FNBP1: variants seen among roughly 807,000 people sequenced by gnomAD.
FNBP1 encodes formin binding protein 1.
In FNBP1, 26 loss-of-function variants were observed where a neutral mutation model predicts 90.6. The ratio of observed to expected loss-of-function variants is 0.29; its 90% confidence interval spans 0.21 to 0.40. The LOEUF (loss-of-function observed/expected upper bound fraction) is 0.40, where lower values mean the gene tolerates loss of function less well. Ranked by LOEUF, FNBP1 falls within the 10% of genes least tolerant of loss-of-function variation. FNBP1 has a pLI of 1.00. For synonymous variants in FNBP1, 260 were observed against 265.2 expected, an observed-to-expected ratio of 0.98 and a Z score of 0.19; for missense variants, 635 against 768.0, an observed-to-expected ratio of 0.83 and a Z score of 2.05.
intron 1 of FNBP1, among the ~76,000 whole-genome samples, chr9:130,005,276 C>A (rs1285000235): frequency 1.3e-5 from 2 of 151,764 alleles, no homozygotes; most frequent in Non-Finnish European, 2.9e-5. Flanking sequence ...ATCACAAATA[C>A]CACCTGAAAT....
chr9:129,976,584 C>A (rs1242126259), intron 4 of FNBP1, among the ~76,000 whole-genome samples: 1 of 152,158 alleles, frequency 6.6e-6, no homozygotes, highest in Non-Finnish European at 1.5e-5. Flanking sequence ...CCTGCCCAAG[C>A]GCCCTGGCTG....
At chr9:130,024,138 G>T (rs958812993) in intron 1 of FNBP1, among the ~76,000 whole-genome samples, 1 of 152,080 alleles carries the variant, frequency 6.6e-6, no homozygotes, top group African/African-American at 2.4e-5. Context: ...AGGCTCAGTG[G>T]CTCATGCCTG....
chr9:129,909,522 TC>T (rs2038827416), intron 11 of FNBP1, among the ~76,000 whole-genome samples: 1 of 151,716 alleles, frequency 6.6e-6, no homozygotes, highest in African/African-American at 2.4e-5. Flanking sequence ...AGATGGGACA[TC>T]ACATTCCTCA....
At chr9:130,005,555 A>G (rs2055570664) in intron 1 of FNBP1, among the ~76,000 whole-genome samples, 1 of 152,048 alleles carries the variant, frequency 6.6e-6, no homozygotes, top group Non-Finnish European at 1.5e-5. Context: ...GTTAGCAAGG[A>G]TGGTCTTGAT....
intron 12 of FNBP1, 105 bp downstream of exon 12, chr9:129,908,785 T>C: frequency 1.4e-6 from 1 of 690,744 alleles, no homozygotes; most frequent in Non-Finnish European, 2.6e-6. Context: ...TCTCTTGACC[T>C]CAGGTGATCC....
Position 130,022,345 on chromosome 9 carries a change from C to T in FNBP1, c.24+20607G>A, listed in dbSNP as rs184961289. Among the ~76,000 whole-genome samples, 592 of 151,990 alleles carry T rather than the reference C, an allele frequency of 3.9e-3. 5 individuals are homozygous for T. The highest frequency in any genetic ancestry group is 0.015 in the South Asian group (74 of 4,810). ...TCAGCCTCCTGAGTAGCTGGGATTACAGGCACGCGCCAAGATGCCCGGTTA... is the reference window on the plus strand; with the variant it reads ...TCAGCCTCCTGAGTAGCTGGGATTATAGGCACGCGCCAAGATGCCCGGTTA... On this transcript the variant is annotated intron_variant, in intron 1 of 16. Transcript: ENST00000446176.
chr9:130,024,847 C>T (rs1257163483), intron 1 of FNBP1, among the ~76,000 whole-genome samples: 2 of 152,134 alleles, frequency 1.3e-5, no homozygotes, highest in Non-Finnish European at 2.9e-5. Flanking sequence ...GCCAAACTGA[C>T]AAAATAAACA....
intron 2 of FNBP1, among the ~76,000 whole-genome samples, chr9:129,984,117 A>G (rs1312631158): frequency 6.6e-6 from 1 of 152,112 alleles, no homozygotes; most frequent in Non-Finnish European, 1.5e-5. Context: ...GGGGCCCAAG[A>G]ATGTTTTGTG....
rs917692232 is a variant in FNBP1 at position 129,923,916 on chromosome 9, G to C, written c.1098C>G (p.Pro366=). Residue 366 remains proline, a synonymous_variant, in exon 10 of 17, where the codon CCC becomes CCG. Coordinates refer to ENST00000446176, the MANE Select transcript of FNBP1 (RefSeq NM_015033.3). ...GPQSPKQQKE[P]LSHRFNEFMT... ...TGAACTCGTTGAAGCGATGGGAGAG[G>C]GGTTCCTTTTGCTGCTTGGGAGACT... The C allele has an allele frequency of 6.2e-7, 1 of 1,600,410 alleles. No homozygotes were observed. Among genetic ancestry groups the C allele is most frequent in the Non-Finnish European group, 8.5e-7 (1 of 1,174,874 alleles).
chr9:129,943,384 CT>C (rs11415197), intron 6 of FNBP1, among the ~76,000 whole-genome samples: 4,325 of 102,514 alleles, frequency 0.042, 84 homozygotes, highest in African/African-American at 0.11. Context: ...TCATTAATTG[CT>C]TTTTTTTTTT....
the FNBP1 span, among the ~76,000 whole-genome samples, chr9:130,050,082 T>C: frequency 0.56 from 85,274 of 152,010 alleles, 24,278 homozygotes; most frequent in East Asian, 0.81. Flanking sequence ...GGTGAAGAAC[T>C]ACTTCTAATG....
At chr9:129,982,249 G>A (rs895417252) in intron 2 of FNBP1, among the ~76,000 whole-genome samples, 1 of 152,206 alleles carries the variant, frequency 6.6e-6, no homozygotes, top group African/African-American at 2.4e-5. Flanking sequence ...AAGGTGGGCA[G>A]ATCACAAGGT....
rs569150268 is a variant in FNBP1, at chr9:129,888,565, C to T, written c.*1974G>A. On this transcript the variant is annotated 3_prime_UTR_variant, in exon 17 of 17. Coordinates refer to ENST00000446176, the MANE Select transcript of FNBP1 (RefSeq NM_015033.3). ...ACGCTTAGGTCACCCGTTGCAGGGA[C>T]CGGAAGTCCATGGCTCTGCCGCAAC... 4.3e-6 allele frequency: 1 copy of T among 232,924 alleles called. No individual in the cohort carries two copies. The highest frequency in any genetic ancestry group is 8.5e-6 in the Non-Finnish European group (1 of 117,862). The allele number at this position is 232,924 out of a possible 1,614,324, so 14.4% of individuals were successfully genotyped here. A position where few individuals can be genotyped will look rare whatever the true frequency, so the allele number is the denominator to read the frequency against.
In FNBP1 at chr9:129,915,923, A is replaced by C. The variant is rs376929998; in HGVS notation, c.1185+43T>G. On this transcript the variant is annotated intron_variant, in intron 11 of 16. Transcript: ENST00000446176. ...AGCATTCATAAAAGACACGCCAGAA[A>C]ACCTGATTAGACTCAGGACATGCAT... The C allele has an allele frequency of 2.6e-6, 4 of 1,512,830 alleles. No homozygotes were observed. The Admixed American group carries it at 7.0e-5, about 26-fold the overall frequency. 93.7% of individuals were successfully genotyped at this position (1,512,830 alleles called of 1,614,324 possible). A position where few individuals can be genotyped will look rare whatever the true frequency, so the allele number is the denominator to read the frequency against.
chr9:129,944,604 AAGG>A (rs2044928160), intron 6 of FNBP1, among the ~76,000 whole-genome samples: 1 of 152,120 alleles, frequency 6.6e-6, no homozygotes, highest in African/African-American at 2.4e-5. Flanking sequence ...GAAATAATGC[AAGG>A]AGAAGGATAC....
intron 4 of FNBP1, among the ~76,000 whole-genome samples, chr9:129,970,851 GA>G (rs1157492358): frequency 2.0e-5 from 3 of 152,034 alleles, no homozygotes; most frequent in East Asian, 1.9e-4. Context: ...TCTTGCAGGG[GA>G]GAAAGGTTCT....
chr9:129,926,729 A>T (rs1028406895), intron 8 of FNBP1, among the ~76,000 whole-genome samples: 1 of 119,626 alleles, frequency 8.4e-6, no homozygotes, highest in Non-Finnish European at 1.7e-5. Context: ...TCTGCTAAAA[A>T]TACAGAAATT....
rs561930241 is a variant in FNBP1, at chr9:129,941,869, A to C, written c.514-12174T>G. Among the ~76,000 whole-genome samples the C allele has an allele frequency of 2.0e-5, 3 of 152,264 alleles. No homozygotes were observed. In the East Asian group the frequency reaches 5.8e-4, roughly 29 times the overall value. ...GTGGATCACATGAGGTCAGGAGTTC[A>C]AGACCCCCCTGGCTGACATGGCAAA... On this transcript the variant is annotated intron_variant, in intron 6 of 16. Coordinates refer to ENST00000446176, the MANE Select transcript of FNBP1 (RefSeq NM_015033.3).
At chr9:130,018,753 A>G (rs2131854906) in intron 1 of FNBP1, among the ~76,000 whole-genome samples, 1 of 152,184 alleles carries the variant, frequency 6.6e-6, no homozygotes, top group African/African-American at 2.4e-5. Flanking sequence ...AAGATAGTCT[A>G]CTTTTAAGTA....
Sources: allele counts gnomAD v4.1 joint callset (sites outside exome capture counted in the v4.1 genomes callset), GRCh38; gene constraint gnomAD v4.1.1; transcripts MANE v1.5; gene names NCBI Gene and HGNC (gene_info 2026-07-23, HGNC 2026-07-21).